The following NXN variants were observed in gnomAD, a reference collection of about 807,000 sequenced individuals.
NXN encodes nucleoredoxin, also known as nucleoredoxin 1.
A neutral mutation model predicts 48.6 loss-of-function variants in NXN; 16 were observed. The observed-to-expected ratio is 0.33, with a 90% confidence interval of 0.22 to 0.50. The LOEUF is 0.50. Among genes scored for constraint, NXN ranks in the 20% least tolerant of loss-of-function variants. NXN has a pLI of 0.98. For missense variants in NXN, 492 were observed against 605.5 expected (o/e 0.81, Z 1.97); for synonymous variants, 281 against 269.6 (o/e 1.04, Z -0.41).
In NXN at chr17:849,182, C is replaced by T. The variant is rs1033107868; in HGVS notation, c.361-23104G>A. Reference sequence around the variant, plus strand: ...TGGGTGTGCACGCTTGATCTAAGACCAATCACGCTCTCTCCTGGAAGTTCA... The same window carrying T: ...TGGGTGTGCACGCTTGATCTAAGACTAATCACGCTCTCTCCTGGAAGTTCA... On this transcript the variant is annotated intron_variant, in intron 1 of 7. Transcript: ENST00000336868. The surrounding 1 kb of genome is among the most constrained non-coding windows in gnomAD (Gnocchi z 4.2). Among the ~76,000 whole-genome samples the T allele has an allele frequency of 6.6e-6, 1 of 152,130 alleles. No homozygotes were observed. Among genetic ancestry groups the T allele is most frequent in the Admixed American group, 6.5e-5 (1 of 15,270 alleles).
chr17:876,973 G>T (rs1050149948), intron 1 of NXN, among the ~76,000 whole-genome samples: 2 of 151,896 alleles, frequency 1.3e-5, no homozygotes, highest in Non-Finnish European at 2.9e-5. Flanking sequence ...GTGTGAACTC[G>T]GGAGGCTGAG....
intron 5 of NXN, among the ~76,000 whole-genome samples, chr17:812,781 CATGT>C (rs1434523816): frequency 8.6e-6 from 1 of 116,256 alleles, no homozygotes; most frequent in Non-Finnish European, 1.9e-5. Flanking sequence ...TAGGTGTGTG[CATGT>C]GTGTAGGTGT....
intron 1 of NXN, among the ~76,000 whole-genome samples, chr17:854,872 T>C (rs897301937): frequency 1.3e-5 from 2 of 151,610 alleles, no homozygotes; most frequent in Non-Finnish European, 2.9e-5. Context: ...GGCAGGAGAA[T>C]TGCTTGAACC....
chr17:874,680 A>G (rs762183977), intron 1 of NXN, among the ~76,000 whole-genome samples: 2 of 147,214 alleles, frequency 1.4e-5, no homozygotes, highest in Non-Finnish European at 3.0e-5. Flanking sequence ...GATCACAATC[A>G]TGCCACTGCA....
rs1567827343 is a variant in NXN, at chr17:841,398, AGCAGGTCCCCC to A, written c.361-15331_361-15321del. Among the ~76,000 whole-genome samples the A allele has an allele frequency of 2.9e-4, 30 of 103,810 alleles. 1 individual carries two copies. The highest frequency in any genetic ancestry group is 5.9e-4 in the Non-Finnish European group (25 of 42,260). 68.1% of individuals were successfully genotyped at this position (103,810 alleles called of 152,430 possible). On this transcript the variant is annotated intron_variant, in intron 1 of 7. Transcript: ENST00000336868. Reference sequence around the variant, plus strand: ...ACACACGGTGCATCTCACGCCGGCGAGCAGGTCCCCCCTGACCACGGCGCATCTCACACGGG... The same window carrying A: ...ACACACGGTGCATCTCACGCCGGCGACTGACCACGGCGCATCTCACACGGG...
chr17:899,606 A>C (rs2068519132), intron 1 of NXN, among the ~76,000 whole-genome samples: 1 of 152,182 alleles, frequency 6.6e-6, no homozygotes, highest in Non-Finnish European at 1.5e-5. Context: ...AGCCTTAAAA[A>C]ACAAAACCAC....
At chr17:872,450 G>C (rs1436742784) in intron 1 of NXN, among the ~76,000 whole-genome samples, 1 of 151,890 alleles carries the variant, frequency 6.6e-6, no homozygotes, top group Non-Finnish European at 1.5e-5. Flanking sequence ...AGGAGAGAAA[G>C]AGAGAAACAC....
rs2069293626 is a variant in NXN, at chr17:965,648, A to AC, written c.360+13670dup. ...CCTGGAGAAGGTGTCTAGCGGCATA[A>AC]CCCCCCAACTCTATCCCCAGACTCA... On this transcript the variant is annotated intron_variant, in intron 1 of 7. Coordinates refer to ENST00000336868, the MANE Select transcript of NXN (RefSeq NM_022463.5). 2.0e-5 allele frequency among the ~76,000 whole-genome samples: 3 copies of AC among 152,022 alleles called. No individual in the cohort carries two copies. The South Asian group carries it at 6.2e-4, about 32-fold the overall frequency.
At position 825,167 on chromosome 17, in the gene NXN, G is replaced by A. The variant is rs1337341921; in HGVS notation, c.478+794C>T. 4.0e-5 allele frequency among the ~76,000 whole-genome samples: 6 copies of A among 150,262 alleles called. No individual in the cohort carries two copies. The highest frequency in any genetic ancestry group is 1.3e-4 in the Admixed American group (2 of 14,994). On this transcript the variant is annotated intron_variant, in intron 2 of 7. Coordinates refer to ENST00000336868, the MANE Select transcript of NXN (RefSeq NM_022463.5). This position sits in a 1 kb window ranked among gnomAD's most constrained non-coding sequence, Gnocchi z 4.1. ...CAGGAGGTCGAGGCTGCAGTGAACC[G>A]GGATCATGCCACAGCACTCGGCCTG... is the stretch of plus-strand genomic sequence containing the variant.
At chr17:828,682 G>A (rs61616907) in intron 1 of NXN, among the ~76,000 whole-genome samples, 2,129 of 152,232 alleles carry the variant, frequency 0.014, 53 homozygotes, top group African/African-American at 0.049. Flanking sequence ...GATTACAGGC[G>A]TGGGCCACCG....
intron 1 of NXN, among the ~76,000 whole-genome samples, chr17:892,067 C>T (rs112208771): frequency 1.1e-5 from 1 of 86,978 alleles, no homozygotes; most frequent in Non-Finnish European, 2.6e-5. Flanking sequence ...CTAACCCCAC[C>T]ATGCACAACC....
chr17:970,652 G>A (rs912571395), intron 1 of NXN, among the ~76,000 whole-genome samples: 1 of 152,174 alleles, frequency 6.6e-6, no homozygotes. Context: ...CGTTTGATGT[G>A]AGTATTTTTT....
chr17:831,575 T>C (rs577556868), intron 1 of NXN, among the ~76,000 whole-genome samples: 18 of 151,978 alleles, frequency 1.2e-4, no homozygotes, highest in African/African-American at 4.1e-4. Context: ...CCTCCCCTCA[T>C]TGCAACCTCC....
chr17:975,672 G>A lies in NXN; in HGVS notation c.360+3647C>T, dbSNP rs548663143. ...AAGCCAGTGGTCTGCACCCTTGGATGTCAGTGCACCCACACTGACCATATG... is the reference window on the plus strand; with the variant it reads ...AAGCCAGTGGTCTGCACCCTTGGATATCAGTGCACCCACACTGACCATATG... On this transcript the variant is annotated intron_variant, in intron 1 of 7. Coordinates refer to ENST00000336868, the MANE Select transcript of NXN (RefSeq NM_022463.5). Among the ~76,000 whole-genome samples, 5 of 152,352 alleles carry A rather than the reference G, an allele frequency of 3.3e-5. No individual in the cohort carries two copies. The East Asian group carries it at 7.7e-4, about 23-fold the overall frequency.
intron 5 of NXN, among the ~76,000 whole-genome samples, chr17:810,268 G>A (rs576320660): frequency 4.6e-5 from 6 of 131,640 alleles, no homozygotes; most frequent in East Asian, 2.4e-4. Context: ...TGGCGTGCAC[G>A]TTACGAGTCT....
chr17:872,759 T>C (rs2068172566), intron 1 of NXN, among the ~76,000 whole-genome samples: 2 of 151,974 alleles, frequency 1.3e-5, no homozygotes, highest in South Asian at 4.1e-4. Flanking sequence ...TAGCTGGGAT[T>C]ACAGGCGCCT....
chr17:870,847 TTTTA>T (rs761348785), intron 1 of NXN, among the ~76,000 whole-genome samples: 19 of 151,624 alleles, frequency 1.3e-4, no homozygotes, highest in East Asian at 3.9e-4. Context: ...TGCTACATGC[TTTTA>T]TTTATTTATT....
At chr17:855,723 A>T (rs900022996) in intron 1 of NXN, among the ~76,000 whole-genome samples, 37 of 152,230 alleles carry the variant, frequency 2.4e-4, no homozygotes, top group African/African-American at 8.7e-4. Context: ...TTTAGGGGAA[A>T]AAATCATAAA....
At chr17:832,513 G>C (rs1267983376) in intron 1 of NXN, among the ~76,000 whole-genome samples, 1 of 152,106 alleles carries the variant, frequency 6.6e-6, no homozygotes, top group Non-Finnish European at 1.5e-5. Flanking sequence ...GGAAATGGTG[G>C]TGGGGTTTTG....
Sources: gnomAD v4.1 joint callset for allele counts (sites outside exome capture counted in the v4.1 genomes callset) on GRCh38, gnomAD v4.1.1 for gene constraint, Gnocchi (gnomAD v3.1) non-coding constraint, MANE v1.5 for transcripts, NCBI Gene and HGNC (gene_info 2026-07-23, HGNC 2026-07-21) for gene names.